Variants in POLD3 observed in about 807,000 individuals in gnomAD.
POLD3 encodes DNA polymerase delta 3, accessory subunit.
POLD3 carries 19 observed loss-of-function variants against 58.2 expected under a neutral mutation model. That is an observed-to-expected ratio of 0.33 (90% CI 0.23 to 0.48). The LOEUF is 0.48. POLD3 is among the 20% of genes least tolerant of loss of function. The pLI is 0.99. For synonymous variants in POLD3, 172 were observed against 193.5 expected, an observed-to-expected ratio of 0.89 and a Z score of 0.92; for missense variants, 504 against 545.5, an observed-to-expected ratio of 0.92 and a Z score of 0.76.
At position 74,642,059 on chromosome 11, in the gene POLD3, A is replaced by T; in HGVS notation, c.*1293A>T. On this transcript the variant is annotated 3_prime_UTR_variant, in exon 12 of 12. Coordinates refer to ENST00000263681, the MANE Select transcript of POLD3 (RefSeq NM_006591.3). ...TCAGGCTCAACTGCTGATGTGTCTC[A>T]CACGTAGCAGACAAGGGGTGTCTGA... The T allele has an allele frequency of 1.0e-6, 1 of 985,016 alleles. No individual in the cohort carries two copies. Among genetic ancestry groups the T allele is most frequent in the Non-Finnish European group, 1.2e-6 (1 of 829,578 alleles). 61.0% of individuals were successfully genotyped at this position (985,016 alleles called of 1,614,324 possible).
chr11:74,642,489 A>G lies in POLD3; in HGVS notation c.*1723A>G. The G allele has an allele frequency of 1.0e-6, 1 of 985,040 alleles. No individual in the cohort carries two copies. Among genetic ancestry groups the G allele is most frequent in the Non-Finnish European group, 1.2e-6 (1 of 829,632 alleles). 61.0% of individuals were successfully genotyped at this position (985,040 alleles called of 1,614,324 possible). A position where few individuals can be genotyped will look rare whatever the true frequency, so the allele number is the denominator to read the frequency against. On this transcript the variant is annotated 3_prime_UTR_variant, in exon 12 of 12. Coordinates refer to ENST00000263681, the MANE Select transcript of POLD3 (RefSeq NM_006591.3). ...AAAGCAACAATCCAATCTTTTTTCTAAAAATTATGCTGGGGTCTCGACTAA... is the reference window on the plus strand; with the variant it reads ...AAAGCAACAATCCAATCTTTTTTCTGAAAATTATGCTGGGGTCTCGACTAA...
chr11:74,654,043 C>T (rs2033101775), intron 4 of POLD3, among the ~76,000 whole-genome samples: 1 of 152,148 alleles, frequency 6.6e-6, no homozygotes, highest in Non-Finnish European at 1.5e-5. Context: ...AACCAGATCT[C>T]ATGAGGACTT....
chr11:74,620,139 T>C (rs779477481), intron 7 of POLD3, 50 bp downstream of exon 7: 3 of 1,334,478 alleles, frequency 2.2e-6, no homozygotes, highest in Non-Finnish European at 3.2e-6. Flanking sequence ...GTTAATGTAA[T>C]GACATATTAT....
chr11:74,655,671 A>G (rs928037440), intron 4 of POLD3, among the ~76,000 whole-genome samples: 5 of 152,088 alleles, frequency 3.3e-5, no homozygotes, highest in African/African-American at 9.7e-5. Flanking sequence ...AAAAAAAAAA[A>G]AGAACACTTT....
intron 3 of POLD3, among the ~76,000 whole-genome samples, chr11:74,610,136 A>T (rs1164835932): frequency 6.6e-6 from 1 of 151,672 alleles, no homozygotes; most frequent in African/African-American, 2.4e-5. Flanking sequence ...TCCATATAGC[A>T]TTATGTTATA....
intron 6 of POLD3, among the ~76,000 whole-genome samples, chr11:74,619,713 C>T (rs1241798156): frequency 1.3e-5 from 2 of 152,116 alleles, no homozygotes; most frequent in East Asian, 1.9e-4. Context: ...TGCCTCTGAT[C>T]TTTTTTAATT....
intron 9 of POLD3, among the ~76,000 whole-genome samples, chr11:74,631,958 T>G (rs1375024300): frequency 6.6e-6 from 1 of 151,940 alleles, no homozygotes; most frequent in Non-Finnish European, 1.5e-5. Flanking sequence ...CTTTTACCCC[T>G]GCGGGGTCAT....
At chr11:74,597,991 G>T (rs190806373) in intron 2 of POLD3, among the ~76,000 whole-genome samples, 132 of 152,262 alleles carry the variant, frequency 8.7e-4, no homozygotes, top group African/African-American at 3.1e-3. Context: ...TGAGGCAGGA[G>T]AATTGTCTGA....
At chr11:74,593,481 GACATTT>G (rs2031109695) in intron 1 of POLD3, among the ~76,000 whole-genome samples, 1 of 152,222 alleles carries the variant, frequency 6.6e-6, no homozygotes, top group African/African-American at 2.4e-5. Flanking sequence ...TTGGAAGCTT[GACATTT>G]GGAATTGGAA....
In POLD3 at chr11:74,618,810, T is replaced by C. The variant is rs2032162316; in HGVS notation, c.660+6T>C. 6.2e-7 allele frequency: 1 copy of C among 1,606,862 alleles called. No individual in the cohort carries two copies. Among genetic ancestry groups the C allele is most frequent in the Non-Finnish European group, 8.5e-7 (1 of 1,174,734 alleles). The stretch of plus-strand genomic sequence containing the variant: ...AGGCTAAAGAAGTAACAAATGTAAG[T>C]CTTCTTTGAAGATACCCCTTCATTG... On this transcript the variant is annotated splice_donor_region_variant and intron_variant, in intron 6 of 11. Transcript: ENST00000263681.
At chr11:74,657,837 G>T (rs2033156159) in intron 4 of POLD3, among the ~76,000 whole-genome samples, 1 of 152,180 alleles carries the variant, frequency 6.6e-6, no homozygotes, top group African/African-American at 2.4e-5. Context: ...CAGGTCTGGT[G>T]TTGATGAAAT....
At chr11:74,652,323 A>C (rs1191063588) in intron 4 of POLD3, among the ~76,000 whole-genome samples, 1 of 152,228 alleles carries the variant, frequency 6.6e-6, no homozygotes, top group African/African-American at 2.4e-5. Context: ...GATTGTTAGG[A>C]ATAGAATTAC....
chr11:74,619,096 G>A (rs562554480), intron 6 of POLD3, among the ~76,000 whole-genome samples: 1 of 152,272 alleles, frequency 6.6e-6, no homozygotes, highest in African/African-American at 2.4e-5. Flanking sequence ...AAAACACCTC[G>A]AGAATTGTTG....
intron 2 of POLD3, among the ~76,000 whole-genome samples, chr11:74,594,731 A>T (rs1453335229): frequency 6.6e-6 from 1 of 152,242 alleles, no homozygotes; most frequent in African/African-American, 2.4e-5. Context: ...TAATTGACTC[A>T]CAGTTCCGCA....
At position 74,640,989 on chromosome 11, in the gene POLD3, G is replaced by A. The variant is rs2032899072; in HGVS notation, c.*223G>A. 1 of 1,230,606 alleles carries A rather than the reference G, an allele frequency of 8.1e-7. No homozygotes were observed. Among genetic ancestry groups the A allele is most frequent in the South Asian group, 3.1e-5 (1 of 32,656 alleles). 76.2% of individuals were successfully genotyped at this position (1,230,606 alleles called of 1,614,324 possible). On this transcript the variant is annotated 3_prime_UTR_variant, in exon 12 of 12. Coordinates refer to ENST00000263681, the MANE Select transcript of POLD3 (RefSeq NM_006591.3). ...GTTACCTTCTAATGACATTTAAAAAGCACAGTCTTTGACCTGTCCAGGAGA... is the reference window on the plus strand; with the variant it reads ...GTTACCTTCTAATGACATTTAAAAAACACAGTCTTTGACCTGTCCAGGAGA...
chr11:74,629,982 C>G (rs2032544711), intron 9 of POLD3, among the ~76,000 whole-genome samples: 1 of 152,086 alleles, frequency 6.6e-6, no homozygotes, highest in Non-Finnish European at 1.5e-5. Flanking sequence ...CCTTGAAAAG[C>G]CCACTTTGAG....
intron 5 of POLD3, among the ~76,000 whole-genome samples, chr11:74,618,230 T>G (rs2032139330): frequency 2.6e-5 from 1 of 38,612 alleles, no homozygotes; most frequent in African/African-American, 3.7e-4. Flanking sequence ...AATACTTTTA[T>G]CAAAAACAAG....
At chr11:74,663,777 A>T (rs542593283) in intron 4 of POLD3, among the ~76,000 whole-genome samples, 57 of 152,326 alleles carry the variant, frequency 3.7e-4, no homozygotes, top group African/African-American at 1.3e-3. Context: ...CAAAATTTAA[A>T]CCTTCTGCTA....
At chr11:74,597,628 T>C (rs1350457502) in intron 2 of POLD3, among the ~76,000 whole-genome samples, 2 of 152,204 alleles carry the variant, frequency 1.3e-5, no homozygotes, top group Non-Finnish European at 2.9e-5. Flanking sequence ...ACTTGGTTAC[T>C]TTTTGTATTT....
Sources: gnomAD v4.1 joint callset for allele counts (sites outside exome capture counted in the v4.1 genomes callset) on GRCh38, gnomAD v4.1.1 for gene constraint, MANE v1.5 for transcripts, NCBI Gene and HGNC (gene_info 2026-07-23, HGNC 2026-07-21) for gene names.